Variants in GCNT2 observed in about 807,000 individuals in gnomAD.
The protein encoded by GCNT2 is N-acetyllactosaminide beta-1,6-N-acetylglucosaminyl-transferase.
A neutral mutation model predicts 34.2 loss-of-function variants in GCNT2; 34 were observed. That is an observed-to-expected ratio of 1.00 (90% CI 0.76 to 1.32). The LOEUF (loss-of-function observed/expected upper bound fraction) is 1.32. Ranked by LOEUF, GCNT2 falls within the 40% of genes most tolerant of loss-of-function variation. The pLI is 0.00. For missense variants in GCNT2, 584 were observed against 489.4 expected (o/e 1.19, Z -1.82); for synonymous variants, 212 against 188.0 (o/e 1.13, Z -1.04).
At chr6:10,599,330 TGAAAA>T (rs1458303912) in intron 3 of GCNT2, among the ~76,000 whole-genome samples, 2 of 152,214 alleles carry the variant, frequency 1.3e-5, no homozygotes, top group Admixed American at 1.3e-4. Context: ...AACTGACTCT[TGAAAA>T]GAGAAAACCT....
intron 3 of GCNT2, among the ~76,000 whole-genome samples, chr6:10,540,980 G>A (rs504083): frequency 0.39 from 58,567 of 151,920 alleles, 12,155 homozygotes; most frequent in African/African-American, 0.56. Flanking sequence ...CCCTCCATCC[G>A]TTTTGAGGAC....
chr6:10,603,400 T>C (rs1326654450), intron 3 of GCNT2, among the ~76,000 whole-genome samples: 1 of 152,242 alleles, frequency 6.6e-6, no homozygotes, highest in East Asian at 1.9e-4. Context: ...AAGAAAACTT[T>C]AATGTTATTC....
chr6:10,599,159 A>G (rs1301767026), intron 3 of GCNT2, among the ~76,000 whole-genome samples: 1 of 152,214 alleles, frequency 6.6e-6, no homozygotes, highest in African/African-American at 2.4e-5. Flanking sequence ...CCATAGTACC[A>G]GAGCTCATCC....
chr6:10,524,991 T>C (rs1761119290), intron 1 of GCNT2, among the ~76,000 whole-genome samples: 1 of 152,110 alleles, frequency 6.6e-6, no homozygotes, highest in African/African-American at 2.4e-5. Context: ...CCCCCCGGTT[T>C]CTAATTTGGG....
At chr6:10,537,329 G>A (rs1761806815) in intron 3 of GCNT2, among the ~76,000 whole-genome samples, 1 of 152,120 alleles carries the variant, frequency 6.6e-6, no homozygotes. Flanking sequence ...AGCTAAGTTA[G>A]ACTACAGATG....
intron 3 of GCNT2, among the ~76,000 whole-genome samples, chr6:10,532,235 C>T (rs916994709): frequency 6.6e-6 from 1 of 152,160 alleles, no homozygotes; most frequent in Non-Finnish European, 1.5e-5. Flanking sequence ...TAAGGGAAAC[C>T]CCCTGACTTC....
chr6:10,587,136 CTT>C (rs768548341), intron 3 of GCNT2, among the ~76,000 whole-genome samples: 14 of 152,206 alleles, frequency 9.2e-5, no homozygotes, highest in Non-Finnish European at 1.6e-4. Context: ...GCAAAACTAA[CTT>C]TGATTACATA....
intron 3 of GCNT2, among the ~76,000 whole-genome samples, chr6:10,545,424 T>G (rs1762228169): frequency 6.6e-6 from 1 of 152,190 alleles, no homozygotes; most frequent in South Asian, 2.1e-4. Flanking sequence ...AAATACTACC[T>G]TTTGTGTTCC....
intron 3 of GCNT2, chr6:10,557,493 CTTT>C (rs34815041): frequency 3.1e-5 from 17 of 553,596 alleles, no homozygotes; most frequent in Middle Eastern, 4.0e-4. Flanking sequence ...GAAAGATGTT[CTTT>C]TTTTTTTTTG....
intron 3 of GCNT2, among the ~76,000 whole-genome samples, chr6:10,582,278 A>AGT (rs1764122242): frequency 4.5e-5 from 4 of 89,414 alleles, no homozygotes; most frequent in African/African-American, 1.8e-4. Flanking sequence ...TTAAATATAT[A>AGT]AATATATATA....
chr6:10,540,086 A>G (rs1761969514), intron 3 of GCNT2, among the ~76,000 whole-genome samples: 1 of 149,172 alleles, frequency 6.7e-6, no homozygotes. Flanking sequence ...TCAAAAAAAA[A>G]GGAAGGAAAG....
intron 3 of GCNT2, among the ~76,000 whole-genome samples, chr6:10,613,124 A>T (rs1765628298): frequency 6.6e-6 from 1 of 152,246 alleles, no homozygotes. Flanking sequence ...TTGTTACCAC[A>T]GATAGTTCTC....
At position 10,553,521 on chromosome 6, in the gene GCNT2, TAAGTCCTC is replaced by T. The variant is rs759105291; in HGVS notation, c.925+23686_925+23693del. Among the ~76,000 whole-genome samples, 78 of 152,342 alleles carry T rather than the reference TAAGTCCTC, an allele frequency of 5.1e-4. 1 individual carries two copies. Among genetic ancestry groups the T allele is most frequent in the Non-Finnish European group, 1.0e-3 (68 of 68,026 alleles). On this transcript the variant is annotated intron_variant, in intron 3 of 4. Transcript: ENST00000495262. ...TTATTTTTTTAATTCATTGAGATTC[TAAGTCCTC>T]TGTCATTTCAAAGAAAGGATACTCT...
chr6:10,606,858 G>C (rs1223677858), intron 3 of GCNT2, among the ~76,000 whole-genome samples: 1 of 151,748 alleles, frequency 6.6e-6, no homozygotes, highest in Non-Finnish European at 1.5e-5. Context: ...GTCTTTACTG[G>C]TTTTTATAAC....
At chr6:10,540,511 G>T (rs1489349444) in intron 3 of GCNT2, among the ~76,000 whole-genome samples, 1 of 152,000 alleles carries the variant, frequency 6.6e-6, no homozygotes, top group Non-Finnish European at 1.5e-5. Context: ...TTAACAATTT[G>T]TGTAGATCTC....
At chr6:10,586,898 A>G (rs890576590) in intron 3 of GCNT2, 9 of 1,612,750 alleles carry the variant, frequency 5.6e-6, no homozygotes, top group Non-Finnish European at 6.8e-6. Flanking sequence ...TCTGGGTGAC[A>G]CTTAATAGGG....
chr6:10,571,186 T>C (rs145894222), intron 3 of GCNT2, among the ~76,000 whole-genome samples: 46 of 152,320 alleles, frequency 3.0e-4, no homozygotes, highest in African/African-American at 9.4e-4. Flanking sequence ...CTATTTCTTA[T>C]AAAGCTTAGA....
At chr6:10,535,713 A>G (rs1342678748) in intron 3 of GCNT2, among the ~76,000 whole-genome samples, 3 of 152,218 alleles carry the variant, frequency 2.0e-5, no homozygotes, top group African/African-American at 7.2e-5. Context: ...TCAAACTCAC[A>G]TTAAAATAGG....
intron 3 of GCNT2, among the ~76,000 whole-genome samples, chr6:10,565,139 A>G (rs1223068600): frequency 6.6e-6 from 1 of 152,232 alleles, no homozygotes; most frequent in Non-Finnish European, 1.5e-5. Context: ...GTGTCTGCAG[A>G]GCCAGAAAAG....
Sources: gnomAD v4.1 joint callset for allele counts (sites outside exome capture counted in the v4.1 genomes callset) on GRCh38, gnomAD v4.1.1 for gene constraint, MANE v1.5 for transcripts, NCBI Gene and HGNC (gene_info 2026-07-23, HGNC 2026-07-21) for gene names.